Variants in NR2C2 observed in about 807,000 individuals in gnomAD.
NR2C2 encodes Nuclear hormone receptor TR4.
A neutral mutation model predicts 62.9 loss-of-function variants in NR2C2; 6 were observed. The observed-to-expected ratio is 0.10, with a 90% CI of 0.05 to 0.19. The LOEUF (loss-of-function observed/expected upper bound fraction) is 0.19, where lower values mean the gene tolerates loss of function less well. NR2C2 is among the 10% of genes least tolerant of loss of function. NR2C2 has a pLI of 1.00. For missense variants in NR2C2, 479 were observed against 762.7 expected (o/e 0.63, Z 4.38); for synonymous variants, 272 against 273.8 (o/e 0.99, Z 0.07).
chr3:14,969,791 T>A (rs1272691126), intron 1 of NR2C2, among the ~76,000 whole-genome samples: 1 of 152,238 alleles, frequency 6.6e-6, no homozygotes, highest in Non-Finnish European at 1.5e-5. Context: ...CAAATTCTTA[T>A]GACCTCTTTA....
chr3:15,009,217 C>G (rs993345897), intron 2 of NR2C2, among the ~76,000 whole-genome samples: 1 of 152,202 alleles, frequency 6.6e-6, no homozygotes, highest in South Asian at 2.1e-4. Flanking sequence ...AGCGAAACTC[C>G]GTCTCAAAAA....
intron 7 of NR2C2, among the ~76,000 whole-genome samples, chr3:15,025,346 T>G (rs915134670): frequency 5.9e-5 from 9 of 152,242 alleles, no homozygotes; most frequent in Admixed American, 3.3e-4. Context: ...GCCACATGCT[T>G]CTTTCCTGCA....
intron 12 of NR2C2, 200 bp from the exon 13 acceptor site, chr3:15,038,922 C>A: frequency 1.7e-6 from 1 of 572,382 alleles, no homozygotes; most frequent in South Asian, 2.3e-5. Context: ...GGTCCCCGAC[C>A]CGCTCCCAGG....
At position 14,949,239 on chromosome 3, in the gene NR2C2, G is replaced by A. The variant is rs146579674; in HGVS notation, c.-40+1333G>A. ...TCATAAGTTCTGTGAAAGAAAAGAAGCCAAATGACCTGCTGAAGAAGACCT... is the reference window on the plus strand; with the variant it reads ...TCATAAGTTCTGTGAAAGAAAAGAAACCAAATGACCTGCTGAAGAAGACCT... On this transcript the variant is annotated intron_variant, in intron 1 of 13. Coordinates refer to ENST00000425241, the MANE Select transcript of NR2C2 (RefSeq NM_001291694.2). Among the ~76,000 whole-genome samples, 9 of 152,302 alleles carry A rather than the reference G, an allele frequency of 5.9e-5. No individual in the cohort carries two copies. In the East Asian group the frequency reaches 1.5e-3, roughly 26 times the overall value.
chr3:14,957,927 T>TTGCC (rs34698069), intron 1 of NR2C2, among the ~76,000 whole-genome samples: 145,124 of 152,040 alleles, frequency 0.95, 69,293 homozygotes, highest in East Asian at 0.99. Context: ...CCACACCACA[T>TTGCC]TGCCATTCCT....
chr3:14,982,104 TC>T (rs2040386810), intron 1 of NR2C2, among the ~76,000 whole-genome samples: 1 of 152,180 alleles, frequency 6.6e-6, no homozygotes, highest in African/African-American at 2.4e-5. Context: ...CATCACACTG[TC>T]GCCCAGGCTA....
intron 3 of NR2C2, 144 bp downstream of exon 3, chr3:15,013,933 C>A: frequency 2.5e-6 from 2 of 792,126 alleles, no homozygotes; most frequent in African/African-American, 1.7e-5. Context: ...CTGCTTTGGC[C>A]AAAGTAATAA....
chr3:15,009,748 T>C (rs923416390), intron 2 of NR2C2, among the ~76,000 whole-genome samples: 2 of 152,160 alleles, frequency 1.3e-5, no homozygotes, highest in African/African-American at 4.8e-5. Context: ...CTTAAAACAA[T>C]AGAAATTTAT....
chr3:14,973,526 G>A (rs772909593), intron 1 of NR2C2, among the ~76,000 whole-genome samples: 1 of 152,176 alleles, frequency 6.6e-6, no homozygotes, highest in South Asian at 2.1e-4. Flanking sequence ...GAGCCACCGT[G>A]CATGTCTCCT....
chr3:15,022,512 C>A (rs1354359413), intron 5 of NR2C2, among the ~76,000 whole-genome samples: 4 of 145,460 alleles, frequency 2.7e-5, no homozygotes, highest in Non-Finnish European at 6.0e-5. Context: ...TCAAGCAATT[C>A]TCCCTGCCTC....
chr3:15,042,636 C>T (rs1031917990), intron 13 of NR2C2, 198 bp from the exon 14 acceptor site: 6 of 555,666 alleles, frequency 1.1e-5, no homozygotes, highest in South Asian at 5.0e-5. Context: ...TCTGTACATA[C>T]ATTTTGTACT....
At position 15,023,308 on chromosome 3, in the gene NR2C2, T is replaced by C; in HGVS notation, c.665T>C (p.Ile222Thr). ...YIRKDLRSPL[I>T]ATPTFVADKD... The stretch of plus-strand genomic sequence containing the variant: ...CGGAAAGACCTGAGAAGTCCCCTGA[T>C]AGCTACTCCCACGTTTGTGGCAGAC... Residue 222 changes from isoleucine (I) to threonine (T), a missense_variant, in exon 6 of 14, where the codon ATA becomes ACA. This residue lies in a region of NR2C2 where 151 missense variants were observed against 176.1 expected (regional missense o/e 0.86). Transcript: ENST00000425241. The C allele has an allele frequency of 2.5e-6, 4 of 1,614,200 alleles. No individual in the cohort carries two copies. Among genetic ancestry groups the C allele is most frequent in the Non-Finnish European group, 3.4e-6 (4 of 1,180,028 alleles).
At chr3:15,001,392 TG>T (rs2040997933) in intron 1 of NR2C2, among the ~76,000 whole-genome samples, 1 of 140,250 alleles carries the variant, frequency 7.1e-6, no homozygotes, top group Non-Finnish European at 1.5e-5. Flanking sequence ...TGGAATGCAA[TG>T]GCGTGATCTT....
chr3:14,994,419 G>A (rs7647246), intron 1 of NR2C2, among the ~76,000 whole-genome samples: 12 of 140,786 alleles, frequency 8.5e-5, no homozygotes, highest in Middle Eastern at 3.8e-3. Flanking sequence ...GGTTGAATTC[G>A]TTGTTGTTGT....
intron 2 of NR2C2, among the ~76,000 whole-genome samples, chr3:15,010,178 C>T (rs1335283629): frequency 1.3e-5 from 2 of 152,044 alleles, no homozygotes; most frequent in African/African-American, 2.4e-5. Flanking sequence ...TTTGATGTGT[C>T]CTCTAGGTCA....
chr3:14,989,715 A>G (rs558826187), intron 1 of NR2C2, among the ~76,000 whole-genome samples: 4 of 151,404 alleles, frequency 2.6e-5, no homozygotes, highest in Admixed American at 2.6e-4. Flanking sequence ...GGCAGATCAC[A>G]TGAGGTCAGG....
chr3:14,990,743 C>T (rs1451703942), intron 1 of NR2C2, among the ~76,000 whole-genome samples: 1 of 152,154 alleles, frequency 6.6e-6, no homozygotes, highest in Non-Finnish European at 1.5e-5. Context: ...ATTCTCTTTC[C>T]CTGTGTTTCT....
intron 1 of NR2C2, among the ~76,000 whole-genome samples, chr3:14,976,504 C>T (rs1296190300): frequency 6.6e-6 from 1 of 151,852 alleles, no homozygotes; most frequent in Non-Finnish European, 1.5e-5. Flanking sequence ...TGCTGTAGTC[C>T]CTACTGATTG....
chr3:14,962,372 C>T (rs1282210123), intron 1 of NR2C2: 1 of 152,636 alleles, frequency 6.6e-6, no homozygotes, highest in African/African-American at 2.4e-5. Flanking sequence ...TCTGGTTTCT[C>T]CCCACCTGAT....
Sources: allele counts gnomAD v4.1 joint callset (sites outside exome capture counted in the v4.1 genomes callset), GRCh38; gene constraint gnomAD v4.1.1; regional missense constraint gnomAD v4.1.1; transcripts MANE v1.5; gene names NCBI Gene and HGNC (gene_info 2026-07-23, HGNC 2026-07-21).